The following ASPH variants were observed in gnomAD, a reference collection of about 807,000 sequenced individuals.
ASPH encodes aspartate beta-hydroxylase, also known as aspartyl/asparaginyl beta-hydroxylase.
Under a neutral mutation model 118.4 loss-of-function variants are expected in ASPH, and 100 were observed. The observed-to-expected ratio is 0.84, with a 90% CI of 0.72 to 1.00. The LOEUF (loss-of-function observed/expected upper bound fraction) is 1.00. ASPH is among the 50% of genes least tolerant of loss of function. The probability of loss-of-function intolerance (pLI) is 0.00; values close to 1 mark genes in which losing one functional copy is unlikely to be tolerated. For missense variants in ASPH, 920 were observed against 919.5 expected, an observed-to-expected ratio of 1.00 and a Z score of -0.01; for synonymous variants, 315 against 325.6, an observed-to-expected ratio of 0.97 and a Z score of 0.35.
At chr8:61,558,642 C>T (rs528057125) in intron 18 of ASPH, among the ~76,000 whole-genome samples, 4 of 152,322 alleles carry the variant, frequency 2.6e-5, no homozygotes, top group African/African-American at 4.8e-5. Flanking sequence ...AGGGCTCAGG[C>T]CCCAGGGCAG....
At chr8:61,531,848 A>G (rs1006843521) in intron 21 of ASPH, among the ~76,000 whole-genome samples, 1 of 152,122 alleles carries the variant, frequency 6.6e-6, no homozygotes, top group African/African-American at 2.4e-5. Context: ...AGATTCATTC[A>G]TGTTGTTGCA....
chr8:61,704,556 T>C (rs1279784827), intron 1 of ASPH, among the ~76,000 whole-genome samples: 1 of 151,710 alleles, frequency 6.6e-6, no homozygotes, highest in Non-Finnish European at 1.5e-5. Context: ...AATAAAAAGG[T>C]AAGTTATAGA....
intron 15 of ASPH, chr8:61,579,539 C>T (rs1836703412): frequency 1.3e-5 from 20 of 1,545,646 alleles, no homozygotes; most frequent in Non-Finnish European, 1.8e-5. Context: ...ACGGCCTGGG[C>T]TCCAGCTTTG....
At chr8:61,605,151 G>A (rs1461682777) in intron 14 of ASPH, among the ~76,000 whole-genome samples, 1 of 152,118 alleles carries the variant, frequency 6.6e-6, no homozygotes, top group Non-Finnish European at 1.5e-5. Flanking sequence ...AAATATCCCT[G>A]AAGAATAACC....
rs542271527 is a variant in ASPH, at chr8:61,570,065, C to T, written c.1150-2747G>A. 2.0e-4 allele frequency among the ~76,000 whole-genome samples: 31 copies of T among 152,266 alleles called. No individual in the cohort carries two copies. The South Asian group carries it at 5.0e-3, about 24-fold the overall frequency. On this transcript the variant is annotated intron_variant, in intron 16 of 24. Transcript: ENST00000379454. ...TTCACTGACTTTCGACGGGTTTACA[C>T]CTCATGGTAAGCTGAAAACGTCGTA...
intron 20 of ASPH, among the ~76,000 whole-genome samples, chr8:61,552,656 C>T (rs1249809021): frequency 1.3e-5 from 2 of 152,018 alleles, no homozygotes; most frequent in East Asian, 1.9e-4. Flanking sequence ...ATTTCAGTGA[C>T]ATCTCTTCAT....
chr8:61,627,680 A>G (rs1853559111), intron 13 of ASPH, among the ~76,000 whole-genome samples: 1 of 152,208 alleles, frequency 6.6e-6, no homozygotes, highest in Admixed American at 6.5e-5. Flanking sequence ...GGAAAATGGA[A>G]AGTTGTTCAA....
chr8:61,673,589 A>T (rs1271522893), intron 3 of ASPH, among the ~76,000 whole-genome samples: 2 of 152,132 alleles, frequency 1.3e-5, no homozygotes, highest in African/African-American at 4.8e-5. Flanking sequence ...TAAACATTCA[A>T]ATTAATGGGA....
chr8:61,528,149 G>T (rs80243674), intron 21 of ASPH, among the ~76,000 whole-genome samples: 1 of 152,194 alleles, frequency 6.6e-6, no homozygotes, highest in Non-Finnish European at 1.5e-5. Flanking sequence ...CACCAACTAG[G>T]TTCCATATTA....
intron 3 of ASPH, chr8:61,659,594 T>C (rs539420523): frequency 2.0e-5 from 3 of 152,348 alleles, no homozygotes; most frequent in African/African-American, 7.2e-5. Context: ...CAGAAATTGA[T>C]TCCTAGGTAA....
intron 13 of ASPH, chr8:61,626,213 T>C: frequency 6.8e-7 from 1 of 1,476,410 alleles, no homozygotes; most frequent in Non-Finnish European, 9.0e-7. Context: ...CACAGCCATC[T>C]TTTGGAGCGT....
At chr8:61,611,549 A>G (rs895030486) in intron 14 of ASPH, among the ~76,000 whole-genome samples, 2 of 152,228 alleles carry the variant, frequency 1.3e-5, no homozygotes, top group Admixed American at 6.5e-5. Flanking sequence ...TGAAAGTACA[A>G]GTCGTTATGT....
Position 61,642,923 on chromosome 8 carries a change from G to GA in ASPH, c.758-4dup, listed in dbSNP as rs376027589. 14,037 of 1,291,664 alleles carry GA rather than the reference G, an allele frequency of 0.011. 27 individuals carry two copies. Among genetic ancestry groups the GA allele is most frequent in the South Asian group, 0.05 (3,261 of 65,724 alleles). 80.0% of individuals were successfully genotyped at this position (1,291,664 alleles called of 1,614,324 possible). ...ATAGACTTGGTATGTTACATCATCTGAAAAAAAAAAGAGAATAAAAGCAAA... is the reference window on the plus strand; with the variant it reads ...ATAGACTTGGTATGTTACATCATCTGAAAAAAAAAAAGAGAATAAAAGCAAA... On this transcript the variant is annotated splice_region_variant and splice_polypyrimidine_tract_variant and intron_variant, in intron 9 of 24. Coordinates refer to ENST00000379454, the MANE Select transcript of ASPH (RefSeq NM_004318.4).
At chr8:61,703,011 G>T (rs2151878360) in intron 1 of ASPH, among the ~76,000 whole-genome samples, 1 of 152,264 alleles carries the variant, frequency 6.6e-6, no homozygotes, top group South Asian at 2.1e-4. Context: ...CATAAACACA[G>T]ACGCAAAATT....
intron 13 of ASPH, among the ~76,000 whole-genome samples, chr8:61,627,107 C>A (rs1340705398): frequency 2.0e-5 from 3 of 152,118 alleles, no homozygotes; most frequent in Admixed American, 1.3e-4. Context: ...CTATATATAC[C>A]TTTACATACC....
At chr8:61,525,840 A>C (rs1379284626) in intron 22 of ASPH, 137 bp downstream of exon 22, 1 of 1,255,296 alleles carries the variant, frequency 8.0e-7, no homozygotes, top group African/African-American at 1.5e-5. Flanking sequence ...ATGGATTTCA[A>C]AAATCTAGGT....
chr8:61,570,565 G>A (rs1252050120), intron 16 of ASPH, among the ~76,000 whole-genome samples: 1 of 152,144 alleles, frequency 6.6e-6, no homozygotes, highest in African/African-American at 2.4e-5. Flanking sequence ...AGGGCCCTTT[G>A]TTTTAATGAA....
At chr8:61,576,693 T>C (rs1194609005) in intron 16 of ASPH, 79 bp downstream of exon 16, 2 of 1,247,222 alleles carry the variant, frequency 1.6e-6, no homozygotes, top group Non-Finnish European at 2.3e-6. Context: ...AAAGGGAAAA[T>C]AGTGAGGAGT....
intron 2 of ASPH, chr8:61,682,354 G>A: frequency 7.3e-7 from 1 of 1,379,052 alleles, no homozygotes; most frequent in Non-Finnish European, 1.0e-6. Context: ...ATATTCTGAT[G>A]TAGATAATAA....
Sources: gnomAD v4.1 joint callset for allele counts (sites outside exome capture counted in the v4.1 genomes callset) on GRCh38, gnomAD v4.1.1 for gene constraint, MANE v1.5 for transcripts, NCBI Gene and HGNC (gene_info 2026-07-23, HGNC 2026-07-21) for gene names.